ADGRB3: variants seen among roughly 807,000 people sequenced by gnomAD.
ADGRB3 encodes the protein brain-specific angiogenesis inhibitor 3.
ADGRB3 carries 37 observed loss-of-function variants against 193.4 expected under a neutral mutation model. The observed-to-expected ratio is 0.19, with a 90% CI of 0.15 to 0.25. The LOEUF is 0.25. Ranked by LOEUF, ADGRB3 falls within the 10% of genes least tolerant of loss-of-function variation. ADGRB3 has a pLI of 1.00. For synonymous variants in ADGRB3, 690 were observed against 644.2 expected (o/e 1.07, Z -1.08); for missense variants, 1,637 against 1,852.9 (o/e 0.88, Z 2.14).
intron 10 of ADGRB3, among the ~76,000 whole-genome samples, chr6:68,985,910 T>C (rs995253781): frequency 6.6e-6 from 1 of 152,094 alleles, no homozygotes; most frequent in African/African-American, 2.4e-5. Context: ...TGGGCACCAG[T>C]CTGTGGCCAC....
In ADGRB3 at chr6:69,304,348, G is replaced by A. The variant is rs190339695; in HGVS notation, c.2815-20524G>A. ...CATATGACCTGAATACATTCAATAA[G>A]TTCAAGTCCCTGATTCTAGGACTTT... On this transcript the variant is annotated intron_variant, in intron 20 of 31. Transcript: ENST00000370598. 2.6e-4 allele frequency among the ~76,000 whole-genome samples: 40 copies of A among 151,632 alleles called. 1 individual carries two copies. The highest frequency in any genetic ancestry group is 8.5e-4 in the African/African-American group (35 of 41,200).
chr6:69,258,527 TA>T (rs1397421064), intron 20 of ADGRB3, among the ~76,000 whole-genome samples: 5 of 152,358 alleles, frequency 3.3e-5, no homozygotes, highest in Non-Finnish European at 5.9e-5. Flanking sequence ...GTTGCAGAAA[TA>T]AATTACCTTT....
intron 20 of ADGRB3, among the ~76,000 whole-genome samples, chr6:69,240,131 T>C (rs924305905): frequency 2.6e-5 from 4 of 152,096 alleles, no homozygotes; most frequent in Non-Finnish European, 5.9e-5. Context: ...TGTATTAATG[T>C]CAAGGATAAT....
chr6:68,681,235 A>G (rs1764888896), intron 3 of ADGRB3, among the ~76,000 whole-genome samples: 1 of 152,308 alleles, frequency 6.6e-6, no homozygotes, highest in African/African-American at 2.4e-5. Context: ...ACCTCCCACT[A>G]GACTGCACCT....
intron 17 of ADGRB3, among the ~76,000 whole-genome samples, chr6:69,078,272 T>G (rs1161487861): frequency 6.6e-6 from 1 of 151,998 alleles, no homozygotes; most frequent in Non-Finnish European, 1.5e-5. Flanking sequence ...CGAGTATTTT[T>G]TACTTGTAAA....
chr6:69,270,671 G>A (rs554972356), intron 20 of ADGRB3, among the ~76,000 whole-genome samples: 1 of 152,190 alleles, frequency 6.6e-6, no homozygotes, highest in Non-Finnish European at 1.5e-5. Context: ...CTTAAGTAAC[G>A]ATTTGTACCT....
intron 17 of ADGRB3, among the ~76,000 whole-genome samples, chr6:69,115,468 G>C (rs2150327327): frequency 6.6e-6 from 1 of 152,260 alleles, no homozygotes; most frequent in East Asian, 1.9e-4. Flanking sequence ...TTAGGGGAGG[G>C]ATAGCATTAA....
chr6:69,015,820 A>G (rs1770072605), intron 12 of ADGRB3, among the ~76,000 whole-genome samples: 1 of 151,918 alleles, frequency 6.6e-6, no homozygotes, highest in Non-Finnish European at 1.5e-5. Context: ...AAAGCATCCT[A>G]CTAAAAATGT....
intron 3 of ADGRB3, among the ~76,000 whole-genome samples, chr6:68,819,037 A>C (rs142352259): frequency 1.9e-4 from 29 of 152,240 alleles, no homozygotes; most frequent in African/African-American, 7.0e-4. Context: ...ACAATGGTTA[A>C]ATGAATGGAA....
At chr6:68,658,469 G>C (rs1582103140) in intron 3 of ADGRB3, among the ~76,000 whole-genome samples, 1 of 151,278 alleles carries the variant, frequency 6.6e-6, no homozygotes, top group Non-Finnish European at 1.5e-5. Flanking sequence ...GCTATAGCCT[G>C]CATGTATCCT....
chr6:68,784,388 T>G (rs1766918842), intron 3 of ADGRB3, among the ~76,000 whole-genome samples: 1 of 152,150 alleles, frequency 6.6e-6, no homozygotes. Flanking sequence ...TGAGACAAAT[T>G]ATCTCTCATT....
At chr6:69,353,181 T>A (rs886721222) in intron 26 of ADGRB3, among the ~76,000 whole-genome samples, 5 of 152,244 alleles carry the variant, frequency 3.3e-5, no homozygotes, top group Non-Finnish European at 7.3e-5. Flanking sequence ...TTTGTGTTTG[T>A]TACTCAGCTA....
At chr6:69,041,849 C>T (rs1337741382) in intron 13 of ADGRB3, among the ~76,000 whole-genome samples, 1 of 152,134 alleles carries the variant, frequency 6.6e-6, no homozygotes, top group Non-Finnish European at 1.5e-5. Context: ...GCCTTGGCCT[C>T]CCAACATGTG....
intron 13 of ADGRB3, among the ~76,000 whole-genome samples, chr6:69,044,338 A>T (rs1039398370): frequency 4.6e-5 from 7 of 152,144 alleles, no homozygotes; most frequent in Non-Finnish European, 1.0e-4. Flanking sequence ...TCCAGTTTGT[A>T]TGTGAACCAC....
At chr6:68,850,541 G>T (rs1443092511) in intron 3 of ADGRB3, among the ~76,000 whole-genome samples, 1 of 151,034 alleles carries the variant, frequency 6.6e-6, no homozygotes, top group Non-Finnish European at 1.5e-5. Flanking sequence ...AGTAGGCCAT[G>T]TCTTATTGTT....
intron 3 of ADGRB3, among the ~76,000 whole-genome samples, chr6:68,694,441 G>A (rs993755256): frequency 6.6e-6 from 1 of 151,948 alleles, no homozygotes; most frequent in South Asian, 2.1e-4. Flanking sequence ...ATCGAAGTTT[G>A]AGAGGGTAAC....
chr6:69,148,556 G>A (rs867441713), intron 17 of ADGRB3, among the ~76,000 whole-genome samples: 1 of 152,104 alleles, frequency 6.6e-6, no homozygotes, highest in South Asian at 2.1e-4. Context: ...CTTAAGATAA[G>A]AGTAATTTAC....
chr6:69,274,616 TCCC>T (rs1393031195), intron 20 of ADGRB3, among the ~76,000 whole-genome samples: 6 of 77,902 alleles, frequency 7.7e-5, no homozygotes, highest in African/African-American at 2.6e-4. Flanking sequence ...CCTCCCTCCC[TCCC>T]TCCCTTCCTT....
At chr6:69,057,301 T>C (rs1179468224) in intron 15 of ADGRB3, among the ~76,000 whole-genome samples, 1 of 152,134 alleles carries the variant, frequency 6.6e-6, no homozygotes, top group Admixed American at 6.5e-5. Flanking sequence ...AATGTGTGTC[T>C]GTGTGTAATC....
Sources: allele counts gnomAD v4.1 joint callset (sites outside exome capture counted in the v4.1 genomes callset), GRCh38; gene constraint gnomAD v4.1.1; transcripts MANE v1.5; gene names NCBI Gene and HGNC (gene_info 2026-07-23, HGNC 2026-07-21).